PTPN3: variants seen among roughly 807,000 people sequenced by gnomAD.
PTPN3 encodes tyrosine-protein phosphatase non-receptor type 3.
Under a neutral mutation model 132.7 loss-of-function variants are expected in PTPN3, and 96 were observed. That is an observed-to-expected ratio of 0.72 (90% CI 0.61 to 0.86). The LOEUF is 0.86. Among genes scored for constraint, PTPN3 ranks in the 40% least tolerant of loss-of-function variants. PTPN3 has a pLI of 0.00. For missense variants in PTPN3, 1,125 were observed against 1,159.6 expected, an observed-to-expected ratio of 0.97 and a Z score of 0.43; for synonymous variants, 398 against 429.0, an observed-to-expected ratio of 0.93 and a Z score of 0.89.
chr9:109,399,862 A>ATTCT (rs1840926837), intron 19 of PTPN3, among the ~76,000 whole-genome samples: 1 of 151,596 alleles, frequency 6.6e-6, no homozygotes, highest in South Asian at 2.1e-4. Context: ...CCACCTGCCA[A>ATTCT]CCACACTGGA....
rs1266840493 is a variant in PTPN3 at position 109,496,234 on chromosome 9, C to G, written c.-18+1985G>C. 3.3e-5 allele frequency among the ~76,000 whole-genome samples: 5 copies of G among 152,124 alleles called. No homozygotes were observed. In the East Asian group the frequency reaches 9.6e-4, roughly 29 times the overall value. Reference sequence around the variant, plus strand: ...ACTGCATGTGGGATTTATGGGAGCTCGCTATAAACTAGAATATTTAACTAG... The same window carrying G: ...ACTGCATGTGGGATTTATGGGAGCTGGCTATAAACTAGAATATTTAACTAG... On this transcript the variant is annotated intron_variant, in intron 1 of 25. Coordinates refer to ENST00000374541, the MANE Select transcript of PTPN3 (RefSeq NM_002829.4).
intron 14 of PTPN3, among the ~76,000 whole-genome samples, chr9:109,415,472 G>A (rs772022065): frequency 6.6e-6 from 1 of 152,300 alleles, no homozygotes; most frequent in Non-Finnish European, 1.5e-5. Context: ...GTAAAGGCAG[G>A]AAATGCTGAA....
At chr9:109,449,726 T>C (rs960671435) in intron 5 of PTPN3, 47 of 985,292 alleles carry the variant, frequency 4.8e-5, no homozygotes, top group Non-Finnish European at 5.7e-5. Context: ...CTGGCCAAGA[T>C]GACAAAAGGG....
chr9:109,452,266 C>T (rs79375802), intron 5 of PTPN3, among the ~76,000 whole-genome samples: 1 of 71,658 alleles, frequency 1.4e-5, no homozygotes, highest in Non-Finnish European at 2.7e-5. Context: ...AGCTCCGTCT[C>T]AAAAAAAAAA....
Position 109,440,648 on chromosome 9 carries a change from T to C in PTPN3, c.467-2414A>G, listed in dbSNP as rs184049080. Among the ~76,000 whole-genome samples, 140 of 152,228 alleles carry C rather than the reference T, an allele frequency of 9.2e-4. 1 individual carries two copies. Among genetic ancestry groups the C allele is most frequent in the African/African-American group, 3.3e-3 (138 of 41,530 alleles). ...ACTTTTCCTGATCCTCAAGGTGGAG[T>C]CCTATGAACCTTTACTCTGTTGGTT... is the stretch of plus-strand genomic sequence containing the variant. On this transcript the variant is annotated intron_variant, in intron 7 of 25. Coordinates refer to ENST00000374541, the MANE Select transcript of PTPN3 (RefSeq NM_002829.4).
At position 109,436,899 on chromosome 9, in the gene PTPN3, T is replaced by A. The variant is rs1461318097; in HGVS notation, c.659A>T (p.Glu220Val). 9.3e-6 allele frequency: 15 copies of A among 1,614,106 alleles called. No individual in the cohort carries two copies. Among genetic ancestry groups the A allele is most frequent in the Non-Finnish European group, 1.3e-5 (15 of 1,179,988 alleles). ...AATACATACCCTACCACTGTGCAGT[T>A]CTACTCCATAGAAGTCGAGGGTCCG... ...IARTLDFYGV[E>V]LHSGRDLHNL... The change falls in exon 9 of 26, where the codon GAA becomes GTA. Residue 220 changes from glutamate (E) to valine (V), a missense_variant. Physicochemically the swap from Glu to Val is moderately radical, Grantham distance 121. Coordinates refer to ENST00000374541, the MANE Select transcript of PTPN3 (RefSeq NM_002829.4).
chr9:109,422,473 G>T (rs1402722382), intron 13 of PTPN3, among the ~76,000 whole-genome samples: 1 of 152,114 alleles, frequency 6.6e-6, no homozygotes, highest in Non-Finnish European at 1.5e-5. Context: ...CTTTCAGCAG[G>T]CTCGAGTTTC....
intron 1 of PTPN3, among the ~76,000 whole-genome samples, chr9:109,468,343 T>C (rs936267341): frequency 1.3e-5 from 2 of 152,176 alleles, no homozygotes; most frequent in African/African-American, 4.8e-5. Flanking sequence ...GAAGCTCTAT[T>C]GTGGATACAG....
chr9:109,504,876 A>G, the PTPN3 span, among the ~76,000 whole-genome samples: 1 of 152,210 alleles, frequency 6.6e-6, no homozygotes, highest in African/African-American at 2.4e-5. Flanking sequence ...GACCGAAACA[A>G]TCGCCTTCCC....
intron 13 of PTPN3, among the ~76,000 whole-genome samples, chr9:109,421,310 C>T (rs892057401): frequency 2.6e-5 from 4 of 152,136 alleles, no homozygotes; most frequent in African/African-American, 9.7e-5. Flanking sequence ...GCTCCTGCAG[C>T]GGGGGATCCC....
At chr9:109,490,466 G>A (rs920558186) in intron 1 of PTPN3, among the ~76,000 whole-genome samples, 4 of 152,176 alleles carry the variant, frequency 2.6e-5, no homozygotes, top group African/African-American at 9.7e-5. Context: ...GGCTGGGCAT[G>A]GTGGCTCACG....
At chr9:109,519,798 G>A in the PTPN3 span, among the ~76,000 whole-genome samples, 1 of 152,332 alleles carries the variant, frequency 6.6e-6, no homozygotes, top group Middle Eastern at 3.4e-3. Flanking sequence ...AACCCTGACA[G>A]CCTTGTGAGG....
chr9:109,406,456 C>T lies in PTPN3; in HGVS notation c.1792+6G>A. 6.2e-7 allele frequency: 1 copy of T among 1,613,144 alleles called. No homozygotes were observed. Among genetic ancestry groups the T allele is most frequent in the Non-Finnish European group, 8.5e-7 (1 of 1,179,252 alleles). Reference sequence around the variant, plus strand: ...CCTATGGCTCCTCCCCCCAGGTGGCCATTACCTCTCCTCCTGATCACCAGG... The same window carrying T: ...CCTATGGCTCCTCCCCCCAGGTGGCTATTACCTCTCCTCCTGATCACCAGG... On this transcript the variant is annotated splice_donor_region_variant and intron_variant, in intron 18 of 25. Transcript: ENST00000374541.
Position 109,391,330 on chromosome 9 carries a change from C to T in PTPN3, c.2045-131G>A, listed in dbSNP as rs182707342. ...CATAAACACTATTCCCCAACTGTTC[C>T]GAGTCTGAAATGGCTGCAATAAAGA... On this transcript the variant is annotated intron_variant, in intron 20 of 25. Transcript: ENST00000374541. 1.2e-4 allele frequency: 147 copies of T among 1,273,336 alleles called. 1 individual carries two copies. Among genetic ancestry groups the T allele is most frequent in the Middle Eastern group, 1.9e-4 (1 of 5,392 alleles). 78.9% of individuals were successfully genotyped at this position (1,273,336 alleles called of 1,614,324 possible). A position where few individuals can be genotyped will look rare whatever the true frequency, so the allele number is the denominator to read the frequency against.
the PTPN3 span, among the ~76,000 whole-genome samples, chr9:109,532,598 A>C: frequency 3.5e-5 from 4 of 113,856 alleles, no homozygotes; most frequent in Admixed American, 3.4e-4. Context: ...AAAAAAAAGA[A>C]CTAAACTAAA....
intron 2 of PTPN3, among the ~76,000 whole-genome samples, chr9:109,458,586 CAG>C (rs1845678943): frequency 6.6e-6 from 1 of 152,194 alleles, no homozygotes; most frequent in African/African-American, 2.4e-5. Context: ...GCCCCACCTG[CAG>C]AGACTTCTTT....
chr9:109,520,457 A>G, the PTPN3 span, among the ~76,000 whole-genome samples: 1 of 152,256 alleles, frequency 6.6e-6, no homozygotes, highest in Non-Finnish European at 1.5e-5. Context: ...CCCGAAGTAT[A>G]TGAATTGAGA....
At chr9:109,520,701 G>A in the PTPN3 span, among the ~76,000 whole-genome samples, 1 of 152,110 alleles carries the variant, frequency 6.6e-6, no homozygotes, top group Non-Finnish European at 1.5e-5. Context: ...AGCACTGTCC[G>A]TGGCCTGGTT....
intron 16 of PTPN3, among the ~76,000 whole-genome samples, chr9:109,408,796 A>ATATTTATATATAT (rs1554783378): frequency 9.2e-6 from 1 of 108,374 alleles, no homozygotes; most frequent in African/African-American, 3.7e-5. Flanking sequence ...AAAAAAAAAA[A>ATATTTATATATAT]ATATATATAT....
Sources: allele counts gnomAD v4.1 joint callset (sites outside exome capture counted in the v4.1 genomes callset), GRCh38; gene constraint gnomAD v4.1.1; transcripts MANE v1.5; gene names NCBI Gene and HGNC (gene_info 2026-07-23, HGNC 2026-07-21).